SEMA6D: variants seen among roughly 807,000 people sequenced by gnomAD.
The protein encoded by SEMA6D is semaphorin 6D.
Under a neutral mutation model 106.6 loss-of-function variants are expected in SEMA6D, and 35 were observed. The ratio of observed to expected loss-of-function variants is 0.33; its 90% CI spans 0.25 to 0.44. The LOEUF (loss-of-function observed/expected upper bound fraction) is 0.44. Ranked by LOEUF, SEMA6D falls within the 20% of genes least tolerant of loss-of-function variation. The pLI, the probability that SEMA6D is intolerant of heterozygous loss-of-function variation, is 1.00. For missense variants in SEMA6D, 1,185 were observed against 1,345.9 expected (o/e 0.88, Z 1.87); for synonymous variants, 499 against 487.7 (o/e 1.02, Z -0.31).
intron 4 of SEMA6D, among the ~76,000 whole-genome samples, chr15:47,648,890 A>C (rs2077631757): frequency 6.6e-6 from 1 of 152,242 alleles, no homozygotes; most frequent in Non-Finnish European, 1.5e-5. Context: ...TGGTAAAACT[A>C]CTTTTTTAAT....
intron 2 of SEMA6D, among the ~76,000 whole-genome samples, chr15:47,422,171 C>CCTGCCTGCCTGCCT (rs1320575462): frequency 1.0e-4 from 13 of 124,238 alleles, no homozygotes; most frequent in Middle Eastern, 8.5e-3. Flanking sequence ...TTTGCCCGCC[C>CCTGCCTGCCTGCCT]GCCTGCCTGC....
At chr15:47,314,994 T>C (rs890332431) in intron 1 of SEMA6D, among the ~76,000 whole-genome samples, 4 of 149,936 alleles carry the variant, frequency 2.7e-5, no homozygotes, top group Non-Finnish European at 4.4e-5. Context: ...GCCTCCCGAG[T>C]AGCTGGGACT....
In SEMA6D at chr15:47,556,094, T is replaced by A. The variant is rs189859517; in HGVS notation, c.-86-44771T>A. On this transcript the variant is annotated intron_variant, in intron 3 of 19. Transcript: ENST00000558014. ...AGCAGAAATAGAAATGCTACATTTA[T>A]GTTTCCTGGTGGTTTTGGCACATAC... Among the ~76,000 whole-genome samples the A allele has an allele frequency of 9.8e-3, 1,490 of 152,294 alleles. 10 individuals are homozygous for A. The highest frequency in any genetic ancestry group is 0.021 in the Admixed American group (316 of 15,282).
At chr15:47,365,846 G>A (rs1461866765) in intron 1 of SEMA6D, among the ~76,000 whole-genome samples, 1 of 144,470 alleles carries the variant, frequency 6.9e-6, no homozygotes, top group Non-Finnish European at 1.5e-5. Flanking sequence ...AGGCAACAGA[G>A]CAAGACTCCA....
chr15:47,533,989 C>T (rs137866048), intron 3 of SEMA6D, among the ~76,000 whole-genome samples: 337 of 152,112 alleles, frequency 2.2e-3, no homozygotes, highest in African/African-American at 7.9e-3. Context: ...TAACTTTAAC[C>T]GAGGTGCAAA....
intron 4 of SEMA6D, among the ~76,000 whole-genome samples, chr15:47,698,997 G>T (rs2078755931): frequency 6.6e-6 from 1 of 152,136 alleles, no homozygotes; most frequent in Non-Finnish European, 1.5e-5. Flanking sequence ...GAGAGCAGAG[G>T]CAGGCAAAGA....
chr15:47,689,698 C>T (rs1026769517), intron 4 of SEMA6D, among the ~76,000 whole-genome samples: 19 of 152,144 alleles, frequency 1.2e-4, no homozygotes, highest in Non-Finnish European at 1.2e-4. Context: ...TTTCTCTGGC[C>T]CTGCCACCAC....
At position 47,760,050 on chromosome 15, in the gene SEMA6D, T is replaced by C. The variant is rs2081976069; in HGVS notation, c.109+143T>C. On this transcript the variant is annotated intron_variant, in intron 2 of 18. Coordinates refer to ENST00000536845, the MANE Select transcript of SEMA6D (RefSeq NM_001358351.3). ...TGCATCTGAGTTTATCAGTAATCATTTCCTAGTGTTTGGAGAAAACGGGGC... is the reference window on the plus strand; with the variant it reads ...TGCATCTGAGTTTATCAGTAATCATCTCCTAGTGTTTGGAGAAAACGGGGC... The C allele has an allele frequency of 4.7e-5, 33 of 707,738 alleles. No homozygotes were observed. The South Asian group carries it at 6.1e-4, about 13-fold the overall frequency. 43.8% of individuals were successfully genotyped at this position (707,738 alleles called of 1,614,324 possible). A position where few individuals can be genotyped will look rare whatever the true frequency, so the allele number is the denominator to read the frequency against.
chr15:47,284,088 T>G (rs1029533863), intron 1 of SEMA6D, among the ~76,000 whole-genome samples: 1 of 152,120 alleles, frequency 6.6e-6, no homozygotes, highest in Non-Finnish European at 1.5e-5. Flanking sequence ...ACCAAAAGTG[T>G]CTCCCTTACG....
At chr15:47,297,758 A>T (rs2035862179) in intron 1 of SEMA6D, among the ~76,000 whole-genome samples, 1 of 152,172 alleles carries the variant, frequency 6.6e-6, no homozygotes. Flanking sequence ...AGTGTTAGCT[A>T]AGGGTTCCTT....
intron 1 of SEMA6D, among the ~76,000 whole-genome samples, chr15:47,191,830 G>A (rs1286403926): frequency 2.6e-5 from 4 of 152,112 alleles, no homozygotes; most frequent in East Asian, 1.9e-4. Flanking sequence ...TTCAGGTGAC[G>A]AAGCAGTAGA....
chr15:47,318,152 T>G (rs888557728), intron 1 of SEMA6D, among the ~76,000 whole-genome samples: 4 of 151,882 alleles, frequency 2.6e-5, no homozygotes, highest in African/African-American at 9.6e-5. Flanking sequence ...TTTTATTTTT[T>G]GAATTAATTT....
intron 4 of SEMA6D, among the ~76,000 whole-genome samples, chr15:47,668,792 C>T (rs995734660): frequency 6.6e-6 from 1 of 152,118 alleles, no homozygotes. Context: ...CAGTTCCCAC[C>T]CAGGTTGAGT....
intron 2 of SEMA6D, among the ~76,000 whole-genome samples, chr15:47,440,928 C>A (rs2041863002): frequency 6.6e-6 from 1 of 152,102 alleles, no homozygotes; most frequent in East Asian, 1.9e-4. Context: ...TTTCTTTGAC[C>A]TTTAGGAGAC....
In SEMA6D at chr15:47,184,698, A is replaced by C. The variant is rs1368431735; in HGVS notation, c.-239+280A>C. The stretch of plus-strand genomic sequence containing the variant: ...TCTTGCCCGATCCCGGAGCTGTGCC[A>C]GGCCGGGGGGAGGGAGCGGAAGCCA... On this transcript the variant is annotated intron_variant, in intron 1 of 19. Transcript: ENST00000558014. Among the ~76,000 whole-genome samples the C allele has an allele frequency of 2.0e-5, 3 of 152,144 alleles. No homozygotes were observed. In the East Asian group the frequency reaches 5.8e-4, roughly 30 times the overall value.
chr15:47,334,969 G>A (rs55650680), intron 1 of SEMA6D, among the ~76,000 whole-genome samples: 24 of 152,004 alleles, frequency 1.6e-4, no homozygotes, highest in Non-Finnish European at 3.1e-4. Flanking sequence ...AGACTTCCGA[G>A]TCAGGCCTTG....
At chr15:47,450,854 A>T (rs895973309) in intron 2 of SEMA6D, among the ~76,000 whole-genome samples, 1 of 151,984 alleles carries the variant, frequency 6.6e-6, no homozygotes, top group Non-Finnish European at 1.5e-5. Context: ...ACCAAGGGGA[A>T]CCCTACAATA....
rs2043712361 is a variant in SEMA6D, at chr15:47,497,662, G to A, written c.-87+27117G>A. 3.3e-5 allele frequency among the ~76,000 whole-genome samples: 5 copies of A among 152,056 alleles called. No individual in the cohort carries two copies. The South Asian group carries it at 1.0e-3, about 32-fold the overall frequency. On this transcript the variant is annotated intron_variant, in intron 3 of 19. Transcript: ENST00000558014. ...TTACACAGCTCCAGATTTCCTTCCC[G>A]ATGCACCTTGGCCAATTCTGTAACA...
At chr15:47,207,286 C>T (rs568038145) in intron 1 of SEMA6D, among the ~76,000 whole-genome samples, 6 of 152,282 alleles carry the variant, frequency 3.9e-5, no homozygotes, top group African/African-American at 1.4e-4. Context: ...TCCATTTGTG[C>T]TTGACCTTCT....
Sources: gnomAD v4.1 joint callset for allele counts (sites outside exome capture counted in the v4.1 genomes callset) on GRCh38, gnomAD v4.1.1 for gene constraint, MANE v1.5 for transcripts, NCBI Gene and HGNC (gene_info 2026-07-23, HGNC 2026-07-21) for gene names.